ENTREP2: variants seen among roughly 807,000 people sequenced by gnomAD.
The protein encoded by ENTREP2 is protein ENTREP2.
chr15:29,596,352 G>C, the ENTREP2 span, among the ~76,000 whole-genome samples: 3 of 152,078 alleles, frequency 2.0e-5, no homozygotes, highest in Non-Finnish European at 2.9e-5. Flanking sequence ...CTCTTTATCT[G>C]GAATCTCCCA....
chr15:29,256,657 G>A, the ENTREP2 span, among the ~76,000 whole-genome samples: 1 of 152,102 alleles, frequency 6.6e-6, no homozygotes, highest in Non-Finnish European at 1.5e-5. Context: ...TACTGATCAG[G>A]AACCCAGGTT....
At chr15:29,206,858 C>T in the ENTREP2 span, among the ~76,000 whole-genome samples, 1 of 152,152 alleles carries the variant, frequency 6.6e-6, no homozygotes, top group African/African-American at 2.4e-5. Context: ...ATTACTAACT[C>T]ATTTAGTTTG....
the ENTREP2 span, among the ~76,000 whole-genome samples, chr15:29,332,852 G>A: frequency 7.2e-5 from 11 of 151,774 alleles, 1 homozygote; most frequent in South Asian, 1.0e-3. Flanking sequence ...CCAGCTACTC[G>A]GGAGGCTGAG....
the ENTREP2 span, among the ~76,000 whole-genome samples, chr15:29,304,874 A>G: frequency 1.3e-5 from 2 of 152,170 alleles, no homozygotes; most frequent in African/African-American, 4.8e-5. Context: ...ATTGCAAGGC[A>G]AACTCCTTCA....
At chr15:29,465,042 G>A in the ENTREP2 span, among the ~76,000 whole-genome samples, 2 of 152,104 alleles carry the variant, frequency 1.3e-5, no homozygotes, top group African/African-American at 4.8e-5. Flanking sequence ...TGGGGCTTTA[G>A]AGGAGGAGCA....
At chr15:29,128,993 A>C in the ENTREP2 span, 1 of 617,160 alleles carries the variant, frequency 1.6e-6, no homozygotes, top group Admixed American at 3.0e-5. Flanking sequence ...CCACACCTCC[A>C]CTCTTCTCCC....
At chr15:29,165,826 C>A in the ENTREP2 span, among the ~76,000 whole-genome samples, 5 of 152,234 alleles carry the variant, frequency 3.3e-5, no homozygotes, top group Admixed American at 2.0e-4. Context: ...TTCTATGAAG[C>A]CAGCATCACC....
the ENTREP2 span, among the ~76,000 whole-genome samples, chr15:29,579,455 T>C: frequency 6.6e-6 from 1 of 152,060 alleles, no homozygotes; most frequent in Non-Finnish European, 1.5e-5. Context: ...CATTTCTCTC[T>C]TCACTCTCTC....
At chr15:29,304,113 C>T in the ENTREP2 span, among the ~76,000 whole-genome samples, 1 of 152,104 alleles carries the variant, frequency 6.6e-6, no homozygotes, top group Non-Finnish European at 1.5e-5. Flanking sequence ...GAACCTCTGA[C>T]CTCGGGTGAT....
At chr15:29,529,169 C>G in the ENTREP2 span, among the ~76,000 whole-genome samples, 1 of 5,324 alleles carries the variant, frequency 1.9e-4, no homozygotes, top group Admixed American at 2.7e-3. Context: ...CATAAGCTCC[C>G]AAGAGCTGCA....
the ENTREP2 span, among the ~76,000 whole-genome samples, chr15:29,230,235 G>A: frequency 2.0e-5 from 3 of 152,092 alleles, no homozygotes; most frequent in Non-Finnish European, 2.9e-5. Context: ...TGTTCTTGGC[G>A]TTTCCAATCT....
the ENTREP2 span, among the ~76,000 whole-genome samples, chr15:29,415,366 T>C: frequency 6.6e-6 from 1 of 152,216 alleles, no homozygotes; most frequent in Non-Finnish European, 1.5e-5. Context: ...TCAATAAACG[T>C]AATCCAGCAT....
At chr15:29,158,694 T>C in the ENTREP2 span, among the ~76,000 whole-genome samples, 1 of 149,572 alleles carries the variant, frequency 6.7e-6, no homozygotes, top group Admixed American at 6.6e-5. Flanking sequence ...ATAAAATTCC[T>C]TTACAAGGTG....
the ENTREP2 span, among the ~76,000 whole-genome samples, chr15:29,243,696 A>C: frequency 6.6e-6 from 1 of 152,216 alleles, no homozygotes; most frequent in South Asian, 2.1e-4. Flanking sequence ...TTATTTTTGA[A>C]CTGTAAAAGA....
At chr15:29,489,650 ATG>A in the ENTREP2 span, among the ~76,000 whole-genome samples, 1 of 152,232 alleles carries the variant, frequency 6.6e-6, no homozygotes, top group South Asian at 2.1e-4. Context: ...ACAAAATGTC[ATG>A]TCTCTCTGGA....
chr15:29,423,675 G>C, the ENTREP2 span, among the ~76,000 whole-genome samples: 2 of 151,680 alleles, frequency 1.3e-5, no homozygotes, highest in African/African-American at 4.8e-5. Flanking sequence ...GCGGGCGCCT[G>C]TAGTCCCAGC....
chr15:29,331,637 G>A, the ENTREP2 span, among the ~76,000 whole-genome samples: 167 of 152,330 alleles, frequency 1.1e-3, 1 homozygote, highest in Non-Finnish European at 2.1e-3. Context: ...CTGGTGCACC[G>A]ATATTCAGCA....
At chr15:29,553,307 A>G in the ENTREP2 span, among the ~76,000 whole-genome samples, 2 of 152,186 alleles carry the variant, frequency 1.3e-5, no homozygotes, top group African/African-American at 2.4e-5. Context: ...AACAAAAACA[A>G]AAACAAAAAA....
At chr15:29,318,488 T>G in the ENTREP2 span, among the ~76,000 whole-genome samples, 1 of 152,016 alleles carries the variant, frequency 6.6e-6, no homozygotes, top group African/African-American at 2.4e-5. Flanking sequence ...ACCTGGCTAA[T>G]TTTTTGTATT....
Sources: allele counts gnomAD v4.1 joint callset (sites outside exome capture counted in the v4.1 genomes callset), GRCh38; gene constraint gnomAD v4.1.1; transcripts MANE v1.5; gene names NCBI Gene and HGNC (gene_info 2026-07-23, HGNC 2026-07-21).